Variants in OXR1 observed in about 807,000 individuals in gnomAD.
The protein encoded by OXR1 is oxidation resistance 1.
OXR1 carries 41 observed loss-of-function variants against 104.6 expected under a neutral mutation model. That is an observed-to-expected ratio of 0.39 (90% CI 0.31 to 0.51). The LOEUF is 0.51. Among genes scored for constraint, OXR1 ranks in the 20% least tolerant of loss-of-function variants. The probability of loss-of-function intolerance (pLI) is 0.77; values close to 1 mark genes in which losing one functional copy is unlikely to be tolerated. For missense variants in OXR1, 955 were observed against 1,031.9 expected, an observed-to-expected ratio of 0.93 and a Z score of 1.02; for synonymous variants, 348 against 348.4, an observed-to-expected ratio of 1.00 and a Z score of 0.01.
chr8:106,512,318 G>C (rs1425670246), intron 2 of OXR1, among the ~76,000 whole-genome samples: 1 of 152,166 alleles, frequency 6.6e-6, no homozygotes, highest in African/African-American at 2.4e-5. Context: ...ATGGAAATGT[G>C]AGTTGTATAT....
intron 3 of OXR1, among the ~76,000 whole-genome samples, chr8:106,619,683 T>G (rs573136561): frequency 2.4e-4 from 37 of 152,222 alleles, no homozygotes; most frequent in African/African-American, 8.4e-4. Context: ...GGATAAAAAT[T>G]TTTAGTATTA....
intron 2 of OXR1, among the ~76,000 whole-genome samples, chr8:106,397,730 C>G (rs1389021921): frequency 3.9e-5 from 6 of 151,934 alleles, no homozygotes; most frequent in Admixed American, 2.6e-4. Flanking sequence ...GTCAACATGA[C>G]CCAAGTAGGA....
At chr8:106,332,764 A>T (rs1306742615) in intron 1 of OXR1, among the ~76,000 whole-genome samples, 1 of 152,144 alleles carries the variant, frequency 6.6e-6, no homozygotes, top group Admixed American at 6.5e-5. Flanking sequence ...GTACCCATTA[A>T]TAGTCATTTC....
At chr8:106,644,690 G>A (rs991116994) in intron 3 of OXR1, among the ~76,000 whole-genome samples, 5 of 152,070 alleles carry the variant, frequency 3.3e-5, no homozygotes, top group Admixed American at 2.0e-4. Context: ...CTTTGCACAC[G>A]TATGTGAAAC....
intron 1 of OXR1, among the ~76,000 whole-genome samples, chr8:106,352,944 T>G (rs2130312750): frequency 6.6e-6 from 1 of 152,324 alleles, no homozygotes; most frequent in Non-Finnish European, 1.5e-5. Flanking sequence ...ATTATAAAAA[T>G]TCAAGGCAGA....
At chr8:106,436,668 C>A (rs999490824) in intron 2 of OXR1, among the ~76,000 whole-genome samples, 4 of 152,102 alleles carry the variant, frequency 2.6e-5, no homozygotes, top group Non-Finnish European at 5.9e-5. Context: ...AGGAGATAAT[C>A]TCCCTCTCTT....
intron 2 of OXR1, among the ~76,000 whole-genome samples, chr8:106,465,547 G>C (rs1217837359): frequency 6.6e-6 from 1 of 151,976 alleles, no homozygotes; most frequent in Non-Finnish European, 1.5e-5. Flanking sequence ...CCAGGTAAGA[G>C]ATGCTGTTGA....
chr8:106,694,753 AAT>A lies in OXR1; in HGVS notation c.675+1885_675+1886del, dbSNP rs1185897289. Among the ~76,000 whole-genome samples, 47 of 111,520 alleles carry A rather than the reference AAT, an allele frequency of 4.2e-4. 6 individuals carry two copies. The South Asian group carries it at 0.011, about 26-fold the overall frequency. The allele number at this position is 111,520 out of a possible 152,430, so 73.2% of individuals were successfully genotyped here. On this transcript the variant is annotated intron_variant, in intron 7 of 16. Transcript: ENST00000517566. ...ATATTTATATATATATTTATATATT[AAT>A]ATATATATTTAATAGATAAATACAT...
intron 1 of OXR1, among the ~76,000 whole-genome samples, chr8:106,304,821 C>A (rs1813408481): frequency 6.6e-6 from 1 of 152,006 alleles, no homozygotes. Flanking sequence ...CAGGTTCTAC[C>A]TTTTACTCAA....
intron 1 of OXR1, among the ~76,000 whole-genome samples, chr8:106,329,767 AT>A (rs1208119142): frequency 6.6e-6 from 1 of 152,094 alleles, no homozygotes; most frequent in African/African-American, 2.4e-5. Flanking sequence ...CCCCCTACCT[AT>A]GAGCAGGTTG....
chr8:106,525,877 C>T (rs976550955), intron 3 of OXR1, among the ~76,000 whole-genome samples: 14 of 152,278 alleles, frequency 9.2e-5, no homozygotes, highest in African/African-American at 2.6e-4. Flanking sequence ...ACACAGTCTA[C>T]GATTAATCAT....
chr8:106,355,343 G>A (rs1034897186), intron 1 of OXR1, among the ~76,000 whole-genome samples: 3 of 152,026 alleles, frequency 2.0e-5, no homozygotes, highest in African/African-American at 7.2e-5. Flanking sequence ...TTAAACTTAT[G>A]TGAAGATTTT....
chr8:106,697,712 C>G, intron 7 of OXR1: 2 of 1,614,052 alleles, frequency 1.2e-6, no homozygotes, highest in Non-Finnish European at 1.7e-6. Context: ...CCATAGCGCT[C>G]AGCTGCTTGC....
chr8:106,372,260 G>A (rs192818442), intron 2 of OXR1, among the ~76,000 whole-genome samples: 71 of 152,294 alleles, frequency 4.7e-4, no homozygotes, highest in Non-Finnish European at 8.7e-4. Flanking sequence ...GGGGGGAGGG[G>A]GTTCCCCATC....
chr8:106,561,196 G>A (rs1031093778), intron 3 of OXR1, among the ~76,000 whole-genome samples: 5 of 151,808 alleles, frequency 3.3e-5, no homozygotes, highest in Admixed American at 2.6e-4. Context: ...TCCCACCCCC[G>A]CCAGAGCCCA....
chr8:106,609,464 G>A (rs1820650445), intron 3 of OXR1, among the ~76,000 whole-genome samples: 1 of 152,128 alleles, frequency 6.6e-6, no homozygotes, highest in South Asian at 2.1e-4. Context: ...GTAATATAAG[G>A]AAATACTCTT....
chr8:106,655,955 G>A (rs1161107597), intron 3 of OXR1, among the ~76,000 whole-genome samples: 1 of 152,186 alleles, frequency 6.6e-6, no homozygotes, highest in African/African-American at 2.4e-5. Flanking sequence ...GGATGTAAAA[G>A]TGCAGATCTA....
intron 2 of OXR1, among the ~76,000 whole-genome samples, chr8:106,508,177 G>C (rs989979151): frequency 1.6e-4 from 25 of 152,032 alleles, no homozygotes; most frequent in African/African-American, 5.8e-4. Flanking sequence ...GTATAAAGAG[G>C]GAATGCAATT....
chr8:106,311,215 AT>A (rs1458977023), intron 1 of OXR1, among the ~76,000 whole-genome samples: 1 of 151,754 alleles, frequency 6.6e-6, no homozygotes, highest in Admixed American at 6.6e-5. Flanking sequence ...TTCAACGATA[AT>A]TTTTTAATAG....
Sources: gnomAD v4.1 joint callset for allele counts (sites outside exome capture counted in the v4.1 genomes callset) on GRCh38, gnomAD v4.1.1 for gene constraint, MANE v1.5 for transcripts, NCBI Gene and HGNC (gene_info 2026-07-23, HGNC 2026-07-21) for gene names.